LRRTM4: variants seen among roughly 807,000 people sequenced by gnomAD.
LRRTM4 encodes the protein leucine rich repeat transmembrane neuronal 4.
A neutral mutation model predicts 47.6 loss-of-function variants in LRRTM4; 25 were observed. The ratio of observed to expected loss-of-function variants is 0.53; its 90% CI spans 0.38 to 0.73. LRRTM4 has a LOEUF of 0.73. LRRTM4 is among the 30% of genes least tolerant of loss of function. The pLI is 0.00. For synonymous variants in LRRTM4, 311 were observed against 269.5 expected (o/e 1.15, Z -1.51); for missense variants, 638 against 713.4 (o/e 0.89, Z 1.20).
intron 3 of LRRTM4, among the ~76,000 whole-genome samples, chr2:77,188,205 T>A (rs1673564313): frequency 6.6e-6 from 1 of 152,206 alleles, no homozygotes; most frequent in South Asian, 2.1e-4. Context: ...GGTCTAAGGC[T>A]CATTCCTTCT....
chr2:77,268,995 C>A (rs1381593348), intron 3 of LRRTM4, among the ~76,000 whole-genome samples: 1 of 152,164 alleles, frequency 6.6e-6, no homozygotes, highest in East Asian at 1.9e-4. Context: ...GATTCTGATG[C>A]ACACTATAGC....
intron 3 of LRRTM4, among the ~76,000 whole-genome samples, chr2:76,936,461 AG>A (rs1399253310): frequency 2.0e-5 from 3 of 151,922 alleles, no homozygotes; most frequent in Admixed American, 2.0e-4. Context: ...GGGGAGGGAT[AG>A]CATTAGGAGA....
At chr2:77,231,623 A>G (rs1310796863) in intron 3 of LRRTM4, among the ~76,000 whole-genome samples, 1 of 152,178 alleles carries the variant, frequency 6.6e-6, no homozygotes, top group Non-Finnish European at 1.5e-5. Context: ...TAACCTATAT[A>G]GAGGAGAAAT....
At chr2:76,842,720 A>G (rs1361203706) in intron 3 of LRRTM4, among the ~76,000 whole-genome samples, 1 of 149,568 alleles carries the variant, frequency 6.7e-6, no homozygotes. Flanking sequence ...ACTTTATAAA[A>G]GTTTTTTTTT....
intron 3 of LRRTM4, among the ~76,000 whole-genome samples, chr2:77,280,220 G>A (rs1473010860): frequency 6.6e-6 from 1 of 151,950 alleles, no homozygotes; most frequent in African/African-American, 2.4e-5. Flanking sequence ...ATGACCCAAG[G>A]AATGTGGGCA....
chr2:77,181,923 A>G (rs1274372554), intron 3 of LRRTM4, among the ~76,000 whole-genome samples: 2 of 152,170 alleles, frequency 1.3e-5, no homozygotes, highest in Admixed American at 1.3e-4. Context: ...AAGAAACAAT[A>G]GATGCTGGTG....
intron 3 of LRRTM4, among the ~76,000 whole-genome samples, chr2:77,103,017 C>T (rs938362078): frequency 2.6e-5 from 4 of 152,062 alleles, no homozygotes; most frequent in South Asian, 2.1e-4. Flanking sequence ...ATGGTAGACA[C>T]GAGATTGAAG....
chr2:76,950,542 T>C (rs1675461180), intron 3 of LRRTM4, among the ~76,000 whole-genome samples: 1 of 151,946 alleles, frequency 6.6e-6, no homozygotes, highest in South Asian at 2.1e-4. Context: ...GGAAAAAATG[T>C]GTCCTCTGGT....
chr2:76,785,183 C>A (rs1242658955), intron 3 of LRRTM4, among the ~76,000 whole-genome samples: 4 of 152,012 alleles, frequency 2.6e-5, no homozygotes, highest in Non-Finnish European at 5.9e-5. Flanking sequence ...TTGGCATTTG[C>A]AATTGAATAG....
chr2:76,963,269 A>G (rs1207714761), intron 3 of LRRTM4, among the ~76,000 whole-genome samples: 1 of 150,954 alleles, frequency 6.6e-6, no homozygotes, highest in Non-Finnish European at 1.5e-5. Flanking sequence ...TCAACATTAA[A>G]TTGTGATAAA....
At chr2:77,291,764 T>C (rs1042871711) in intron 3 of LRRTM4, among the ~76,000 whole-genome samples, 2 of 152,098 alleles carry the variant, frequency 1.3e-5, no homozygotes, top group Non-Finnish European at 2.9e-5. Context: ...ACAAAAATTA[T>C]GTCCCATTTG....
intron 3 of LRRTM4, among the ~76,000 whole-genome samples, chr2:76,882,820 G>A (rs376418422): frequency 6.6e-6 from 1 of 152,124 alleles, no homozygotes; most frequent in South Asian, 2.1e-4. Context: ...AGAAATCAAG[G>A]AGGAATCTGC....
chr2:77,105,769 T>C (rs1226579904), intron 3 of LRRTM4, among the ~76,000 whole-genome samples: 1 of 152,342 alleles, frequency 6.6e-6, no homozygotes, highest in Middle Eastern at 3.4e-3. Context: ...AATGGGATCA[T>C]AGATGAAATA....
chr2:76,823,520 A>G (rs1671110149), intron 3 of LRRTM4, among the ~76,000 whole-genome samples: 1 of 151,422 alleles, frequency 6.6e-6, no homozygotes, highest in South Asian at 2.1e-4. Context: ...GAGAGCATTT[A>G]GTTAATTATC....
At chr2:77,275,691 A>G (rs1299354897) in intron 3 of LRRTM4, among the ~76,000 whole-genome samples, 1 of 152,090 alleles carries the variant, frequency 6.6e-6, no homozygotes. Flanking sequence ...CCTCACCTGG[A>G]CTGGCCTTTA....
intron 3 of LRRTM4, among the ~76,000 whole-genome samples, chr2:76,842,914 A>G (rs1197669130): frequency 2.0e-5 from 3 of 152,184 alleles, no homozygotes; most frequent in Non-Finnish European, 2.9e-5. Context: ...TTAGGAGAGA[A>G]TATCTACTTT....
At chr2:77,400,614 C>T (rs1337535248) in intron 3 of LRRTM4, among the ~76,000 whole-genome samples, 1 of 151,800 alleles carries the variant, frequency 6.6e-6, no homozygotes, top group African/African-American at 2.4e-5. Flanking sequence ...TATAACAGAT[C>T]ATGCCATTTC....
intron 3 of LRRTM4, among the ~76,000 whole-genome samples, chr2:77,119,762 T>C (rs898642196): frequency 6.6e-6 from 1 of 151,846 alleles, no homozygotes; most frequent in Non-Finnish European, 1.5e-5. Flanking sequence ...CATATCATAT[T>C]ACATATATAT....
intron 3 of LRRTM4, among the ~76,000 whole-genome samples, chr2:76,763,883 T>C (rs867303110): frequency 6.6e-6 from 1 of 152,184 alleles, no homozygotes; most frequent in Non-Finnish European, 1.5e-5. Context: ...ACCCACTAGA[T>C]GTATTATATA....
Sources: gnomAD v4.1 joint callset for allele counts (sites outside exome capture counted in the v4.1 genomes callset) on GRCh38, gnomAD v4.1.1 for gene constraint, MANE v1.5 for transcripts, NCBI Gene and HGNC (gene_info 2026-07-23, HGNC 2026-07-21) for gene names.